The following ZCCHC8 variants were observed in gnomAD, a reference collection of about 807,000 sequenced individuals.
ZCCHC8 encodes the protein zinc finger CCHC-type containing 8, also known as zinc finger CCHC domain-containing protein 8.
ZCCHC8 carries 27 observed loss-of-function variants against 70.6 expected under a neutral mutation model. That is an observed-to-expected ratio of 0.38 (90% CI 0.28 to 0.53). The LOEUF is 0.53. ZCCHC8 is among the 20% of genes least tolerant of loss of function. The pLI is 0.81. For missense variants in ZCCHC8, 737 were observed against 876.9 expected (o/e 0.84, Z 2.01); for synonymous variants, 293 against 317.4 (o/e 0.92, Z 0.82).
chr12:122,493,495 C>T (rs892875440), intron 2 of ZCCHC8, among the ~76,000 whole-genome samples: 3 of 151,926 alleles, frequency 2.0e-5, no homozygotes, highest in African/African-American at 7.2e-5. Flanking sequence ...AATCTCGGCT[C>T]ACTGCAGCCT....
At chr12:122,494,514 T>C (rs1440601313) in intron 2 of ZCCHC8, among the ~76,000 whole-genome samples, 1 of 149,452 alleles carries the variant, frequency 6.7e-6, no homozygotes, top group Non-Finnish European at 1.5e-5. Flanking sequence ...GAGCCAAGAT[T>C]GTGCCACTGC....
At chr12:122,495,847 CAAAAA>C (rs538311699) in intron 2 of ZCCHC8, among the ~76,000 whole-genome samples, 2 of 78,322 alleles carry the variant, frequency 2.6e-5, no homozygotes, top group South Asian at 4.3e-4. Context: ...CACTCTGTCT[CAAAAA>C]AAAAAAAAAA....
At position 122,473,083 on chromosome 12, in the gene ZCCHC8, G is replaced by C. The variant is rs947612444; in HGVS notation, c.*414C>G. On this transcript the variant is annotated 3_prime_UTR_variant, in exon 14 of 14. Coordinates refer to ENST00000633063, the MANE Select transcript of ZCCHC8 (RefSeq NM_017612.5). Reference sequence around the variant, plus strand: ...CCCTGATTTTTCTCATTTGGTTGTAGGAGTTGAAACATGAATTTAAAATGG... The same window carrying C: ...CCCTGATTTTTCTCATTTGGTTGTACGAGTTGAAACATGAATTTAAAATGG... The C allele has an allele frequency of 1.3e-5, 2 of 159,300 alleles. No homozygotes were observed. Among genetic ancestry groups the C allele is most frequent in the African/African-American group, 4.8e-5 (2 of 41,542 alleles). 9.9% of individuals were successfully genotyped at this position (159,300 alleles called of 1,614,324 possible).
At chr12:122,498,492 A>G (rs1957865312) in intron 2 of ZCCHC8, among the ~76,000 whole-genome samples, 1 of 152,160 alleles carries the variant, frequency 6.6e-6, no homozygotes, top group African/African-American at 2.4e-5. Flanking sequence ...AGACCCAGCC[A>G]ATATTGTAAT....
intron 13 of ZCCHC8, among the ~76,000 whole-genome samples, 178 bp downstream of exon 13, chr12:122,477,663 T>C (rs955021945): frequency 4.0e-5 from 6 of 150,004 alleles, no homozygotes; most frequent in African/African-American, 1.5e-4. Context: ...TGGTGATGCA[T>C]GCCTGTAATC....
In ZCCHC8 at chr12:122,500,883, C is replaced by G; in HGVS notation, c.-43G>C. 3 of 1,544,010 alleles carry G rather than the reference C, an allele frequency of 1.9e-6. No individual in the cohort carries two copies. Among genetic ancestry groups the G allele is most frequent in the Non-Finnish European group, 2.6e-6 (3 of 1,142,616 alleles). Reference sequence around the variant, plus strand: ...ATTCGAGAAGAGGCGGAGCCGGCCACCAGGGCTTGGGGAAGAAGGTTGGAA... The same window carrying G: ...ATTCGAGAAGAGGCGGAGCCGGCCAGCAGGGCTTGGGGAAGAAGGTTGGAA... On this transcript the variant is annotated 5_prime_UTR_variant, in exon 1 of 14. Coordinates refer to ENST00000633063, the MANE Select transcript of ZCCHC8 (RefSeq NM_017612.5). This position sits in a 1 kb window ranked among gnomAD's most constrained non-coding sequence, Gnocchi z 4.8.
rs1165265864 is a variant in ZCCHC8, at chr12:122,500,925, A to G, written c.-85T>C. 1 of 1,431,826 alleles carries G rather than the reference A, an allele frequency of 7.0e-7. No individual in the cohort carries two copies. Among genetic ancestry groups the G allele is most frequent in the Non-Finnish European group, 9.5e-7 (1 of 1,055,388 alleles). The allele number at this position is 1,431,826 out of a possible 1,614,324, so 88.7% of individuals were successfully genotyped here. ...AGGTTGGAAGGCGGCACCACTCTCT[A>G]GAGCTCTGGCCGCACGGAGCCACCC... On this transcript the variant is annotated 5_prime_UTR_variant, in exon 1 of 14. Transcript: ENST00000633063. The surrounding 1 kb of genome is among the most constrained non-coding windows in gnomAD (Gnocchi z 4.8).
intron 10 of ZCCHC8, chr12:122,481,108 T>C (rs1957524494): frequency 6.5e-6 from 1 of 153,396 alleles, no homozygotes; most frequent in South Asian, 2.0e-4. Context: ...GATTCTTGTA[T>C]ACATACAATT....
In ZCCHC8 at chr12:122,481,939, T is replaced by TA; in HGVS notation, c.875+5dup. On this transcript the variant is annotated splice_donor_region_variant and intron_variant, in intron 9 of 13. Coordinates refer to ENST00000633063, the MANE Select transcript of ZCCHC8 (RefSeq NM_017612.5). ...ATGACCTTCTATGGTAAAATGCCAT[T>TA]AGTACCTAATAACTCCTGGCTTGAA... 1.9e-6 allele frequency: 3 copies of TA among 1,611,096 alleles called. No homozygotes were observed. The highest frequency in any genetic ancestry group is 2.5e-6 in the Non-Finnish European group (3 of 1,178,868).
At chr12:122,491,871 G>C (rs1017618215) in intron 3 of ZCCHC8, among the ~76,000 whole-genome samples, 2 of 151,814 alleles carry the variant, frequency 1.3e-5, no homozygotes, top group African/African-American at 4.8e-5. Flanking sequence ...AACACTAGGT[G>C]AATGGTGCAG....
intron 11 of ZCCHC8, 34 bp from the exon 12 acceptor site, chr12:122,478,326 A>C: frequency 1.4e-6 from 2 of 1,447,438 alleles, no homozygotes; most frequent in Non-Finnish European, 1.9e-6. Flanking sequence ...AAAAAAACAC[A>C]TGTATTTGGA....
intron 2 of ZCCHC8, 28 bp downstream of exon 2, chr12:122,498,799 C>T (rs1566309034): frequency 1.2e-6 from 2 of 1,607,214 alleles, no homozygotes. Context: ...TAAGGGACAA[C>T]TATGGAGTAA....
At chr12:122,476,611 AC>A (rs1957423899) in intron 13 of ZCCHC8, among the ~76,000 whole-genome samples, 2 of 151,832 alleles carry the variant, frequency 1.3e-5, no homozygotes, top group African/African-American at 4.8e-5. Context: ...AAAACAAAAA[AC>A]AAAACAAAAC....
intron 8 of ZCCHC8, 79 bp downstream of exon 8, chr12:122,482,556 G>T: frequency 9.2e-7 from 1 of 1,092,638 alleles, no homozygotes; most frequent in Non-Finnish European, 1.3e-6. Flanking sequence ...GTTCCTTCAT[G>T]TCATACAATA....
rs1239458541 is a variant in ZCCHC8, at chr12:122,473,837, T to C, written c.1784A>G (p.His595Arg). The part of the protein sequence containing the change: ...EIFTKKSEAG[H>R]ASSPDSEVTS... ...CACCTCAGAGTCTGGACTGGAGGCA[T>C]GTCCAGCTTCTGATTTCTTTGTAAA... Residue 595 changes from histidine (H) to arginine (R), a missense_variant, in exon 14 of 14, where the codon CAT becomes CGT. Physicochemically the swap from His to Arg is conservative, Grantham distance 29. Coordinates refer to ENST00000633063, the MANE Select transcript of ZCCHC8 (RefSeq NM_017612.5). 2 of 1,613,958 alleles carry C rather than the reference T, an allele frequency of 1.2e-6. No homozygotes were observed. Among genetic ancestry groups the C allele is most frequent in the Admixed American group, 1.7e-5 (1 of 60,018 alleles).
At chr12:122,481,484 A>C (rs1957532647) in intron 10 of ZCCHC8, 38 bp downstream of exon 10, 3 of 1,517,604 alleles carry the variant, frequency 2.0e-6, no homozygotes, top group South Asian at 2.7e-5. Context: ...AAAAAAAGGA[A>C]ACACTTAAGG....
Position 122,483,392 on chromosome 12 carries a change from G to T in ZCCHC8, c.606-48C>A, listed in dbSNP as rs1957575094. On this transcript the variant is annotated intron_variant, in intron 6 of 13. Coordinates refer to ENST00000633063, the MANE Select transcript of ZCCHC8 (RefSeq NM_017612.5). The surrounding 1 kb of genome is among the most constrained non-coding windows in gnomAD (Gnocchi z 4.4). ...ATAGTTATCATGGTCTGCAAAATTT[G>T]GAAATTGTTTTAAAGGTGAACTTAG... 6 of 1,571,288 alleles carry T rather than the reference G, an allele frequency of 3.8e-6. No individual in the cohort carries two copies. The highest frequency in any genetic ancestry group is 1.3e-5 in the African/African-American group (1 of 74,110).
Position 122,500,486 on chromosome 12 carries a change from C to G in ZCCHC8, c.199+156G>C. 1 of 1,018,786 alleles carries G rather than the reference C, an allele frequency of 9.8e-7. No individual in the cohort carries two copies. Among genetic ancestry groups the G allele is most frequent in the Non-Finnish European group, 1.4e-6 (1 of 721,222 alleles). The allele number at this position is 1,018,786 out of a possible 1,614,324, so 63.1% of individuals were successfully genotyped here. A position where few individuals can be genotyped will look rare whatever the true frequency, so the allele number is the denominator to read the frequency against. ...CTGCGCGCCCCGAACCCTAGACTCT[C>G]GGTCCGCCGGCGGGTGACAGAAAGC... On this transcript the variant is annotated intron_variant, in intron 1 of 13. Transcript: ENST00000633063. The surrounding 1 kb of genome is among the most constrained non-coding windows in gnomAD (Gnocchi z 4.8).
At chr12:122,478,315 A>G in intron 11 of ZCCHC8, 23 bp from the exon 12 acceptor site, 1 of 1,516,192 alleles carries the variant, frequency 6.6e-7, no homozygotes, top group Non-Finnish European at 9.0e-7. Context: ...AGAGAAGGAA[A>G]AAAAAAACAC....
Sources: gnomAD v4.1 joint callset for allele counts (sites outside exome capture counted in the v4.1 genomes callset) on GRCh38, gnomAD v4.1.1 for gene constraint, Gnocchi (gnomAD v3.1) non-coding constraint, MANE v1.5 for transcripts, NCBI Gene and HGNC (gene_info 2026-07-23, HGNC 2026-07-21) for gene names.